FUT8: variants seen among roughly 807,000 people sequenced by gnomAD.
FUT8 encodes alpha-(1,6)-fucosyltransferase.
A neutral mutation model predicts 71.3 loss-of-function variants in FUT8; 29 were observed. The observed-to-expected ratio is 0.41, with a 90% CI of 0.30 to 0.55. The LOEUF (loss-of-function observed/expected upper bound fraction) is 0.55. FUT8 is among the 20% of genes least tolerant of loss of function. The pLI, the probability that FUT8 is intolerant of heterozygous loss-of-function variation, is 0.34. For missense variants in FUT8, 544 were observed against 702.1 expected (o/e 0.77, Z 2.55); for synonymous variants, 254 against 239.3 (o/e 1.06, Z -0.57).
At chr14:65,689,807 G>A (rs1360655326) in intron 7 of FUT8, among the ~76,000 whole-genome samples, 2 of 152,186 alleles carry the variant, frequency 1.3e-5, no homozygotes, top group African/African-American at 4.8e-5. Flanking sequence ...GAAGTGCTAG[G>A]ATTACAGGCA....
intron 3 of FUT8, among the ~76,000 whole-genome samples, chr14:65,568,359 C>T (rs1886305663): frequency 6.7e-6 from 1 of 150,044 alleles, no homozygotes. Context: ...AACCTCTGTG[C>T]TTTTTTTTTC....
In FUT8 at chr14:65,550,735, AT is replaced by A. The variant is rs1885240376; in HGVS notation, c.-227-10599del. ...GCTCTTGTCTGCTGTCATCATTGTC[AT>A]TTCTGTTTTCTGGATCTGTTTAAAT... is the stretch of plus-strand genomic sequence containing the variant. On this transcript the variant is annotated intron_variant, in intron 2 of 10. Coordinates refer to ENST00000673929, the MANE Select transcript of FUT8 (RefSeq NM_001371533.1). The surrounding 1 kb of genome is among the most constrained non-coding windows in gnomAD (Gnocchi z 4.5). Among the ~76,000 whole-genome samples, 1 of 151,772 alleles carries A rather than the reference AT, an allele frequency of 6.6e-6. No homozygotes were observed. The highest frequency in any genetic ancestry group is 2.4e-5 in the African/African-American group (1 of 41,300).
At chr14:65,431,534 A>C (rs1482422144) in intron 1 of FUT8, among the ~76,000 whole-genome samples, 1 of 151,400 alleles carries the variant, frequency 6.6e-6, no homozygotes, top group African/African-American at 2.4e-5. Flanking sequence ...GCTGGTCTTG[A>C]ACACCTGGCC....
At chr14:65,403,910 T>G in the FUT8 span, among the ~76,000 whole-genome samples, 1 of 152,182 alleles carries the variant, frequency 6.6e-6, no homozygotes, top group Non-Finnish European at 1.5e-5. Flanking sequence ...CTTTTCTTTT[T>G]TTTTGAGATG....
At position 65,523,997 on chromosome 14, in the gene FUT8, C is replaced by T. The variant is rs561344083; in HGVS notation, c.-227-37340C>T. Reference sequence around the variant, plus strand: ...GTAGCCTTGTAGTATAGTTTGATGTCAGGTAGTGTGATGCCTCCAGCTTTG... The same window carrying T: ...GTAGCCTTGTAGTATAGTTTGATGTTAGGTAGTGTGATGCCTCCAGCTTTG... On this transcript the variant is annotated intron_variant, in intron 2 of 10. Transcript: ENST00000673929. Among the ~76,000 whole-genome samples the T allele has an allele frequency of 7.2e-5, 11 of 152,270 alleles. No homozygotes were observed. The South Asian group carries it at 2.1e-3, about 29-fold the overall frequency.
chr14:65,389,180 TATA>T, the FUT8 span, among the ~76,000 whole-genome samples: 1 of 144,302 alleles, frequency 6.9e-6, no homozygotes, highest in Non-Finnish European at 1.5e-5. Context: ...TACATATATA[TATA>T]AAAAAATTAT....
At chr14:65,633,927 G>A (rs1174406571) in intron 6 of FUT8, among the ~76,000 whole-genome samples, 30 of 151,278 alleles carry the variant, frequency 2.0e-4, no homozygotes, top group Non-Finnish European at 3.7e-4. Context: ...CAGCTGCCCC[G>A]TCCGGGAGGG....
intron 6 of FUT8, among the ~76,000 whole-genome samples, chr14:65,642,190 A>G (rs1265845998): frequency 6.6e-6 from 1 of 152,178 alleles, no homozygotes; most frequent in Non-Finnish European, 1.5e-5. Context: ...ATCCATTTTG[A>G]GGAATCACGT....
chr14:65,392,447 C>T, the FUT8 span, among the ~76,000 whole-genome samples: 13 of 152,076 alleles, frequency 8.5e-5, no homozygotes, highest in African/African-American at 3.1e-4. Flanking sequence ...AATTGCTATG[C>T]CCAAGGTATT....
chr14:65,733,130 G>T (rs948705878), intron 9 of FUT8, 101 bp from the exon 10 acceptor site: 1 of 681,328 alleles, frequency 1.5e-6, no homozygotes, highest in Non-Finnish European at 2.4e-6. Flanking sequence ...ATAATTAAAG[G>T]TCTCCTTTCT....
intron 1 of FUT8, among the ~76,000 whole-genome samples, chr14:65,414,307 G>A (rs1347080120): frequency 6.6e-6 from 1 of 151,978 alleles, no homozygotes; most frequent in Non-Finnish European, 1.5e-5. Context: ...GCGGTTAGGT[G>A]CATGTTTATT....
Position 65,484,785 on chromosome 14 carries a change from T to C in FUT8, c.-228+29067T>C, listed in dbSNP as rs577862425. Among the ~76,000 whole-genome samples, 7 of 152,348 alleles carry C rather than the reference T, an allele frequency of 4.6e-5. No individual in the cohort carries two copies. In the East Asian group the frequency reaches 1.3e-3, roughly 29 times the overall value. ...CACTTGGTTATGATGTATATTTGGC[T>C]TCTTGATGTTGCCCCACAGTTCACT... On this transcript the variant is annotated intron_variant, in intron 2 of 10. Transcript: ENST00000673929.
chr14:65,544,959 C>T (rs952951600), intron 2 of FUT8, among the ~76,000 whole-genome samples: 2 of 151,636 alleles, frequency 1.3e-5, no homozygotes, highest in Non-Finnish European at 3.0e-5. Flanking sequence ...CCCTCTTCTT[C>T]TCTCTTTTCA....
chr14:65,492,296 T>TTGAGCTATAACAAGTGGAGGCATATTG (rs1416875128), intron 2 of FUT8, among the ~76,000 whole-genome samples: 1 of 152,200 alleles, frequency 6.6e-6, no homozygotes, highest in African/African-American at 2.4e-5. Context: ...CTAAAGGTTT[T>TTGAGCTATAACAAGTGGAGGCATATTG]TGAGCTATAA....
At chr14:65,555,185 A>G (rs1885523739) in intron 2 of FUT8, among the ~76,000 whole-genome samples, 1 of 152,214 alleles carries the variant, frequency 6.6e-6, no homozygotes, top group Admixed American at 6.5e-5. Flanking sequence ...CACATAGCCT[A>G]AGATATTTAT....
chr14:65,527,096 T>C (rs1013304685), intron 2 of FUT8, among the ~76,000 whole-genome samples: 38 of 152,288 alleles, frequency 2.5e-4, no homozygotes, highest in South Asian at 8.3e-4. Context: ...TTTCCTGAAT[T>C]TGAATGTTGG....
chr14:65,595,635 GTCTC>G (rs1382498780), intron 3 of FUT8, among the ~76,000 whole-genome samples: 4 of 115,578 alleles, frequency 3.5e-5, no homozygotes, highest in Non-Finnish European at 6.7e-5. Context: ...TTGAGACGGA[GTCTC>G]TCTCTGTCAC....
In FUT8 at chr14:65,576,273, A is replaced by C. The variant is rs554323784; in HGVS notation, c.203+14507A>C. Among the ~76,000 whole-genome samples the C allele has an allele frequency of 9.8e-5, 15 of 152,332 alleles. 1 individual carries two copies. In the South Asian group the frequency reaches 2.7e-3, roughly 27 times the overall value. On this transcript the variant is annotated intron_variant, in intron 3 of 10. Coordinates refer to ENST00000673929, the MANE Select transcript of FUT8 (RefSeq NM_001371533.1). The stretch of plus-strand genomic sequence containing the variant: ...GTTGGATCAAAAACAAATTCAAAGC[A>C]GAACATGTAAGAGGCCATTTGTAGC...
intron 5 of FUT8, chr14:65,616,940 G>T: frequency 1.1e-6 from 1 of 879,876 alleles, no homozygotes. Flanking sequence ...TGCACACGTT[G>T]CTAAATAATA....
Sources: gnomAD v4.1 joint callset for allele counts (sites outside exome capture counted in the v4.1 genomes callset) on GRCh38, gnomAD v4.1.1 for gene constraint, Gnocchi (gnomAD v3.1) non-coding constraint, MANE v1.5 for transcripts, NCBI Gene and HGNC (gene_info 2026-07-23, HGNC 2026-07-21) for gene names.